The following DCLK1 variants were observed in gnomAD, a reference collection of about 807,000 sequenced individuals.
DCLK1 encodes serine/threonine-protein kinase DCLK1.
A neutral mutation model predicts 86.2 loss-of-function variants in DCLK1; 16 were observed. The ratio of observed to expected loss-of-function variants is 0.19; its 90% confidence interval spans 0.13 to 0.28. DCLK1 has a LOEUF of 0.28. Among genes scored for constraint, DCLK1 ranks in the 10% least tolerant of loss-of-function variants. The pLI is 1.00. For missense variants in DCLK1, 590 were observed against 940.2 expected (o/e 0.63, Z 4.87); for synonymous variants, 369 against 370.5 (o/e 1.00, Z 0.05).
intron 15 of DCLK1, among the ~76,000 whole-genome samples, chr13:35,793,895 G>A (rs1464443227): frequency 2.0e-5 from 3 of 151,926 alleles, no homozygotes; most frequent in Non-Finnish European, 2.9e-5. Flanking sequence ...CAAAGCCAAG[G>A]GTCTTGGATG....
At chr13:36,108,942 C>A (rs577923577) in intron 3 of DCLK1, among the ~76,000 whole-genome samples, 2 of 152,168 alleles carry the variant, frequency 1.3e-5, no homozygotes, top group African/African-American at 4.8e-5. Context: ...CACAGGACAG[C>A]GTGGAGGAAA....
intron 4 of DCLK1, among the ~76,000 whole-genome samples, chr13:35,902,075 G>T (rs895930690): frequency 2.6e-5 from 4 of 152,122 alleles, no homozygotes; most frequent in African/African-American, 9.7e-5. Flanking sequence ...ATCTAGATTT[G>T]CTTTATGCAC....
At chr13:35,796,332 G>C (rs147752897) in intron 15 of DCLK1, among the ~76,000 whole-genome samples, 20 of 152,290 alleles carry the variant, frequency 1.3e-4, no homozygotes, top group Admixed American at 1.0e-3. Flanking sequence ...AGAAACTTGA[G>C]CATAATTGTG....
intron 3 of DCLK1, among the ~76,000 whole-genome samples, chr13:36,104,638 A>G (rs987708526): frequency 6.6e-5 from 10 of 152,074 alleles, no homozygotes; most frequent in African/African-American, 2.2e-4. Context: ...AACGAGTCCA[A>G]TGCCAGGCAC....
rs192937030 is a variant in DCLK1 at position 35,967,689 on chromosome 13, G to A, written c.724-20232C>T. Among the ~76,000 whole-genome samples the A allele has an allele frequency of 7.0e-4, 107 of 152,210 alleles. 1 individual carries two copies. The highest frequency in any genetic ancestry group is 3.4e-3 in the Middle Eastern group (1 of 294). On this transcript the variant is annotated intron_variant, in intron 3 of 16. Transcript: ENST00000360631. ...AAGTACCCAGGGACACAAACACTGC[G>A]GAAGGCGGCAGGGCCCTCTGCCTAG...
rs369162843 is a variant in DCLK1, at chr13:35,892,333, A to T, written c.824-20993T>A. Among the ~76,000 whole-genome samples, 41 of 152,342 alleles carry T rather than the reference A, an allele frequency of 2.7e-4. No individual in the cohort carries two copies. In the South Asian group the frequency reaches 6.6e-3, roughly 25 times the overall value. Reference sequence around the variant, plus strand: ...AACAGCTTTTGATGACTGTTACCTTAATCACTACATTATTAACCCCCACTG... The same window carrying T: ...AACAGCTTTTGATGACTGTTACCTTTATCACTACATTATTAACCCCCACTG... On this transcript the variant is annotated intron_variant, in intron 4 of 16. Coordinates refer to ENST00000360631, the MANE Select transcript of DCLK1 (RefSeq NM_001330071.2).
intron 7 of DCLK1, among the ~76,000 whole-genome samples, chr13:35,838,019 T>G (rs1002838800): frequency 1.4e-5 from 2 of 145,410 alleles, no homozygotes; most frequent in Non-Finnish European, 3.0e-5. Context: ...TGAGCTGAGA[T>G]AGTGTCATTG....
chr13:35,928,123 G>A (rs529755232), intron 4 of DCLK1, among the ~76,000 whole-genome samples: 18 of 152,316 alleles, frequency 1.2e-4, no homozygotes, highest in African/African-American at 1.9e-4. Flanking sequence ...TATTGAATTC[G>A]AGGGAGCTGT....
At chr13:35,832,386 G>GT (rs1371849820) in intron 8 of DCLK1, among the ~76,000 whole-genome samples, 2 of 152,180 alleles carry the variant, frequency 1.3e-5, no homozygotes, top group African/African-American at 4.8e-5. Context: ...TGTTTGCTAT[G>GT]TTTTGAAGGA....
At chr13:35,875,604 T>A (rs897154770) in intron 4 of DCLK1, among the ~76,000 whole-genome samples, 5 of 152,216 alleles carry the variant, frequency 3.3e-5, no homozygotes, top group African/African-American at 4.8e-5. Context: ...TTTTGAAATA[T>A]TGGAAAAACT....
At chr13:35,776,849 C>A (rs1384845865) in intron 16 of DCLK1, among the ~76,000 whole-genome samples, 1 of 152,176 alleles carries the variant, frequency 6.6e-6, no homozygotes, top group Non-Finnish European at 1.5e-5. Context: ...CCACTCAATA[C>A]TTCACACTCT....
At chr13:35,840,393 T>A (rs1351034233) in intron 6 of DCLK1, among the ~76,000 whole-genome samples, 1 of 152,198 alleles carries the variant, frequency 6.6e-6, no homozygotes, top group Non-Finnish European at 1.5e-5. Context: ...GCCATCTAAG[T>A]CAAACATCAC....
At chr13:35,896,404 T>G (rs1871343223) in intron 4 of DCLK1, among the ~76,000 whole-genome samples, 1 of 151,776 alleles carries the variant, frequency 6.6e-6, no homozygotes, top group Non-Finnish European at 1.5e-5. Flanking sequence ...ACGGGTATGG[T>G]GCATGCGCCT....
chr13:35,909,730 C>A (rs1874901608), intron 4 of DCLK1, among the ~76,000 whole-genome samples: 1 of 151,220 alleles, frequency 6.6e-6, no homozygotes, highest in African/African-American at 2.4e-5. Context: ...AGGGTGAGGA[C>A]AAAGGTGGAG....
chr13:35,845,645 T>A (rs993353328), intron 6 of DCLK1, among the ~76,000 whole-genome samples: 8 of 152,138 alleles, frequency 5.3e-5, no homozygotes, highest in Non-Finnish European at 8.8e-5. Context: ...GAAGGTAGAG[T>A]CCTGATTTTA....
Position 35,876,534 on chromosome 13 carries a change from T to C in DCLK1, c.824-5194A>G, listed in dbSNP as rs539030356. On this transcript the variant is annotated intron_variant, in intron 4 of 16. Coordinates refer to ENST00000360631, the MANE Select transcript of DCLK1 (RefSeq NM_001330071.2). ...ATTAATTTAAATAGGAATTGTATTT[T>C]ATAATGGTGAAAATGCAGTGAGGAA... is the stretch of plus-strand genomic sequence containing the variant. Among the ~76,000 whole-genome samples, 34 of 152,340 alleles carry C rather than the reference T, an allele frequency of 2.2e-4. No homozygotes were observed. The South Asian group carries it at 7.1e-3, about 32-fold the overall frequency.
At chr13:35,879,208 A>T (rs965624093) in intron 4 of DCLK1, among the ~76,000 whole-genome samples, 7 of 152,226 alleles carry the variant, frequency 4.6e-5, no homozygotes, top group African/African-American at 1.7e-4. Context: ...CTAAGATTTT[A>T]AAAGTACCTT....
intron 3 of DCLK1, among the ~76,000 whole-genome samples, chr13:36,095,265 A>G: frequency 6.7e-6 from 1 of 150,330 alleles, no homozygotes; most frequent in South Asian, 2.1e-4. Context: ...GAGTGCCGTG[A>G]TGTGATCTTG....
chr13:35,926,847 A>G (rs1876152327), intron 4 of DCLK1, among the ~76,000 whole-genome samples: 1 of 152,216 alleles, frequency 6.6e-6, no homozygotes, highest in African/African-American at 2.4e-5. Flanking sequence ...ACAGGTGAGA[A>G]GGGCAGGAGT....
Sources: allele counts gnomAD v4.1 joint callset (sites outside exome capture counted in the v4.1 genomes callset), GRCh38; gene constraint gnomAD v4.1.1; transcripts MANE v1.5; gene names NCBI Gene and HGNC (gene_info 2026-07-23, HGNC 2026-07-21).